The following KCNQ3 variants were observed in gnomAD, a reference collection of about 807,000 sequenced individuals.
KCNQ3 encodes the protein potassium voltage-gated channel subfamily Q member 3, also known as potassium voltage-gated channel subfamily KQT member 3.
Under a neutral mutation model 92.5 loss-of-function variants are expected in KCNQ3, and 30 were observed. The ratio of observed to expected loss-of-function variants is 0.32; its 90% CI spans 0.24 to 0.44. KCNQ3 has a LOEUF of 0.44. Among genes scored for constraint, KCNQ3 ranks in the 20% least tolerant of loss-of-function variants. KCNQ3 has a pLI of 1.00. For synonymous variants in KCNQ3, 450 were observed against 468.8 expected, an observed-to-expected ratio of 0.96 and a Z score of 0.52; for missense variants, 913 against 1,140.3, an observed-to-expected ratio of 0.80 and a Z score of 2.87.
intron 13 of KCNQ3, 38 bp from the exon 14 acceptor site, chr8:132,132,302 CT>C: frequency 6.6e-7 from 1 of 1,512,720 alleles, no homozygotes; most frequent in Non-Finnish European, 9.2e-7. Context: ...ATCATTATAT[CT>C]ATTTTTGCTA....
At position 132,123,474 on chromosome 8, in the gene KCNQ3, A is replaced by G. The variant is rs991574652; in HGVS notation, c.*5788T>C. The G allele has an allele frequency of 1.3e-5, 2 of 152,240 alleles. No homozygotes were observed. The highest frequency in any genetic ancestry group is 6.5e-5 in the Admixed American group (1 of 15,276). The allele number at this position is 152,240 out of a possible 1,614,324, so 9.4% of individuals were successfully genotyped here. A position where few individuals can be genotyped will look rare whatever the true frequency, so the allele number is the denominator to read the frequency against. On this transcript the variant is annotated 3_prime_UTR_variant, in exon 15 of 15. Transcript: ENST00000388996. ...GGAAACATCAATCTTATTCCAGAGA[A>G]GGGAAGAAGTCCCCAAAGGTATGTC...
intron 1 of KCNQ3, among the ~76,000 whole-genome samples, chr8:132,473,356 T>C (rs143263305): frequency 0.012 from 1,834 of 152,286 alleles, 25 homozygotes; most frequent in Middle Eastern, 0.027. Context: ...TTTATAGGCA[T>C]GGCTAAGATA....
chr8:132,368,157 T>C (rs1296498310), intron 1 of KCNQ3, among the ~76,000 whole-genome samples: 2 of 152,204 alleles, frequency 1.3e-5, no homozygotes, highest in South Asian at 2.1e-4. Context: ...GTTTTCCTTA[T>C]AAACATCACA....
chr8:132,231,671 A>G (rs1156819759), intron 1 of KCNQ3, among the ~76,000 whole-genome samples: 1 of 152,234 alleles, frequency 6.6e-6, no homozygotes, highest in Non-Finnish European at 1.5e-5. Flanking sequence ...TTTGATTTCC[A>G]GACTATGAGA....
intron 1 of KCNQ3, among the ~76,000 whole-genome samples, chr8:132,277,535 G>A (rs973756572): frequency 2.0e-5 from 3 of 152,172 alleles, no homozygotes; most frequent in African/African-American, 7.2e-5. Context: ...TAGACAAGGA[G>A]GCATGGGGAA....
chr8:132,136,118 C>CAAAAAAAAAAAAAAA (rs67331428), intron 12 of KCNQ3, among the ~76,000 whole-genome samples: 10 of 40,018 alleles, frequency 2.5e-4, no homozygotes, highest in African/African-American at 2.5e-4. Flanking sequence ...GACTCCATCT[C>CAAAAAAAAAAAAAAA]AAAAAAAAAA....
intron 1 of KCNQ3, among the ~76,000 whole-genome samples, chr8:132,307,615 C>T (rs1273094425): frequency 6.6e-6 from 1 of 152,226 alleles, no homozygotes; most frequent in Non-Finnish European, 1.5e-5. Context: ...GTTTTGTTCA[C>T]TGCAGTATCC....
At chr8:132,461,116 T>C (rs1259957532) in intron 1 of KCNQ3, among the ~76,000 whole-genome samples, 1 of 152,262 alleles carries the variant, frequency 6.6e-6, no homozygotes, top group Non-Finnish European at 1.5e-5. Context: ...TGTATGGATG[T>C]ACAATGGTTT....
intron 1 of KCNQ3, among the ~76,000 whole-genome samples, chr8:132,206,711 TTTTA>T (rs923523050): frequency 6.6e-6 from 1 of 152,186 alleles, no homozygotes; most frequent in Non-Finnish European, 1.5e-5. Context: ...TCATTTCTGA[TTTTA>T]TTTATCTGCA....
At chr8:132,396,268 A>G (rs1442046908) in intron 1 of KCNQ3, among the ~76,000 whole-genome samples, 1 of 152,164 alleles carries the variant, frequency 6.6e-6, no homozygotes, top group African/African-American at 2.4e-5. Flanking sequence ...GTTTCCATGG[A>G]GCATCAATTC....
At chr8:132,181,659 G>A (rs181145089) in intron 3 of KCNQ3, among the ~76,000 whole-genome samples, 1 of 152,264 alleles carries the variant, frequency 6.6e-6, no homozygotes, top group Admixed American at 6.5e-5. Flanking sequence ...TCTGCCAGAA[G>A]CCTGTGTAGC....
chr8:132,370,151 T>A (rs1297213200), intron 1 of KCNQ3, among the ~76,000 whole-genome samples: 1 of 152,166 alleles, frequency 6.6e-6, no homozygotes, highest in African/African-American at 2.4e-5. Flanking sequence ...GTTTGTCAAG[T>A]TCAAAGAGGG....
intron 1 of KCNQ3, among the ~76,000 whole-genome samples, chr8:132,333,030 T>C (rs1818272176): frequency 2.7e-5 from 4 of 148,008 alleles, no homozygotes; most frequent in East Asian, 1.9e-4. Flanking sequence ...GATGGATGGA[T>C]GGATGGATGG....
At chr8:132,454,023 AT>A (rs1450747940) in intron 1 of KCNQ3, among the ~76,000 whole-genome samples, 1 of 152,158 alleles carries the variant, frequency 6.6e-6, no homozygotes, top group Non-Finnish European at 1.5e-5. Flanking sequence ...CACAGACCTC[AT>A]GCCTAACACC....
At chr8:132,212,531 T>G (rs1236137098) in intron 1 of KCNQ3, among the ~76,000 whole-genome samples, 1 of 152,052 alleles carries the variant, frequency 6.6e-6, no homozygotes, top group African/African-American at 2.4e-5. Flanking sequence ...CCGATCATTC[T>G]CTTCGGGACA....
At chr8:132,152,910 G>A (rs1200081498) in intron 9 of KCNQ3, among the ~76,000 whole-genome samples, 1 of 152,176 alleles carries the variant, frequency 6.6e-6, no homozygotes, top group African/African-American at 2.4e-5. Context: ...TGCACTTTAT[G>A]CAAATAATCA....
At chr8:132,157,543 G>C (rs1371520804) in intron 9 of KCNQ3, among the ~76,000 whole-genome samples, 1 of 152,244 alleles carries the variant, frequency 6.6e-6, no homozygotes. Context: ...CTGGCTGGGA[G>C]AGTGTCTGCT....
intron 10 of KCNQ3, 85 bp from the exon 11 acceptor site, chr8:132,140,263 G>A (rs1020476468): frequency 4.5e-5 from 38 of 841,828 alleles, no homozygotes; most frequent in South Asian, 2.7e-4. Flanking sequence ...AGCCTTCCAC[G>A]CCTCTGGATG....
intron 1 of KCNQ3, among the ~76,000 whole-genome samples, chr8:132,355,634 T>G (rs1449588148): frequency 6.6e-6 from 1 of 151,998 alleles, no homozygotes; most frequent in Non-Finnish European, 1.5e-5. Context: ...AAAATAAAGC[T>G]GGCAAGCAAA....
Sources: allele counts gnomAD v4.1 joint callset (sites outside exome capture counted in the v4.1 genomes callset), GRCh38; gene constraint gnomAD v4.1.1; transcripts MANE v1.5; gene names NCBI Gene and HGNC (gene_info 2026-07-23, HGNC 2026-07-21).